DLG2: variants seen among roughly 807,000 people sequenced by gnomAD.
DLG2 encodes discs large MAGUK scaffold protein 2, also known as disks large homolog 2.
DLG2 carries 45 observed loss-of-function variants against 132.5 expected under a neutral mutation model. The ratio of observed to expected loss-of-function variants is 0.34; its 90% CI spans 0.27 to 0.44. The LOEUF (loss-of-function observed/expected upper bound fraction) is 0.44, where lower values mean the gene tolerates loss of function less well. Among genes scored for constraint, DLG2 ranks in the 20% least tolerant of loss-of-function variants. The pLI is 1.00. For synonymous variants in DLG2, 424 were observed against 419.6 expected (o/e 1.01, Z -0.13); for missense variants, 1,045 against 1,196.9 (o/e 0.87, Z 1.87).
chr11:83,956,815 T>A (rs2086987589), intron 14 of DLG2, among the ~76,000 whole-genome samples: 1 of 152,222 alleles, frequency 6.6e-6, no homozygotes, highest in African/African-American at 2.4e-5. Flanking sequence ...TTGTTCCTAA[T>A]GGGTACCATA....
intron 27 of DLG2, among the ~76,000 whole-genome samples, chr11:83,460,999 GTTTTT>G (rs10591072): frequency 0.019 from 2,071 of 106,986 alleles, 34 homozygotes; most frequent in African/African-American, 0.066. Context: ...AAGTTCTTGG[GTTTTT>G]TTTTTTTTTT....
chr11:85,014,603 G>A lies in DLG2; in HGVS notation c.357+97058C>T, dbSNP rs182006542. ...ATGGTAAGGTAGCTATTTCTACCCA[G>A]CAAGTAAAAGTACAGTATTGATTTA... On this transcript the variant is annotated intron_variant, in intron 6 of 27. Coordinates refer to ENST00000376104, the MANE Select transcript of DLG2 (RefSeq NM_001142699.3). Among the ~76,000 whole-genome samples, 279 of 152,228 alleles carry A rather than the reference G, an allele frequency of 1.8e-3. 2 individuals are homozygous for A. The highest frequency in any genetic ancestry group is 7.0e-3 in the Admixed American group (107 of 15,286).
At chr11:84,613,523 T>C (rs937151734) in intron 6 of DLG2, among the ~76,000 whole-genome samples, 2 of 152,124 alleles carry the variant, frequency 1.3e-5, no homozygotes, top group East Asian at 1.9e-4. Context: ...ATTAAAATAA[T>C]TTATTTTGCT....
chr11:84,850,367 C>T (rs1236601375), intron 6 of DLG2, among the ~76,000 whole-genome samples: 1 of 135,092 alleles, frequency 7.4e-6, no homozygotes, highest in Non-Finnish European at 1.6e-5. Flanking sequence ...CCTTACCACC[C>T]ACTTCGACTT....
At chr11:83,645,886 T>C (rs1439002627) in intron 18 of DLG2, 1 of 152,168 alleles carries the variant, frequency 6.6e-6, no homozygotes, top group Admixed American at 6.6e-5. Context: ...CTCCATCTCC[T>C]TTAGTCTGTG....
intron 8 of DLG2, among the ~76,000 whole-genome samples, chr11:84,236,684 G>T (rs2097162181): frequency 6.6e-6 from 1 of 152,170 alleles, no homozygotes. Flanking sequence ...CTGTTACCAA[G>T]TTAACAGGTG....
At chr11:85,347,389 A>T (rs1264056600) in intron 3 of DLG2, among the ~76,000 whole-genome samples, 2 of 152,154 alleles carry the variant, frequency 1.3e-5, no homozygotes, top group African/African-American at 2.4e-5. Context: ...AAATAAAACA[A>T]GAAAGCAACC....
At chr11:84,549,310 A>C (rs541685022) in intron 6 of DLG2, among the ~76,000 whole-genome samples, 83 of 152,358 alleles carry the variant, frequency 5.4e-4, no homozygotes, top group African/African-American at 2.0e-3. Context: ...GTAATTTTCC[A>C]GGGATAACTG....
chr11:84,907,952 A>G (rs1037260249), intron 6 of DLG2, among the ~76,000 whole-genome samples: 29 of 152,280 alleles, frequency 1.9e-4, no homozygotes, highest in African/African-American at 7.0e-4. Flanking sequence ...TTGTGTCAAG[A>G]TCCAGGACTA....
At chr11:85,099,087 T>G (rs349079) in intron 6 of DLG2, among the ~76,000 whole-genome samples, 23,732 of 152,172 alleles carry the variant, frequency 0.16, 2,138 homozygotes, top group South Asian at 0.3. Flanking sequence ...CATTCTTGTG[T>G]CAAGTGCTGT....
chr11:84,562,788 C>T lies in DLG2; in HGVS notation c.358-28057G>A, dbSNP rs12275559. ...CTTTTGAGACAGGTTCTTGCTCTGT[C>T]GCCCAGGCTGGAGTGCAGTGGTACG... On this transcript the variant is annotated intron_variant, in intron 6 of 27. Transcript: ENST00000376104. Among the ~76,000 whole-genome samples, 236 of 149,464 alleles carry T rather than the reference C, an allele frequency of 1.6e-3. 2 individuals carry two copies. Among genetic ancestry groups the T allele is most frequent in the African/African-American group, 5.5e-3 (223 of 40,662 alleles).
intron 6 of DLG2, among the ~76,000 whole-genome samples, chr11:84,812,880 T>C (rs573963209): frequency 1.3e-5 from 2 of 152,238 alleles, no homozygotes; most frequent in East Asian, 3.9e-4. Context: ...GGTGGTGTGA[T>C]GTGATGCAAT....
At chr11:84,627,878 C>T (rs532908606) in intron 6 of DLG2, among the ~76,000 whole-genome samples, 1 of 152,164 alleles carries the variant, frequency 6.6e-6, no homozygotes, top group African/African-American at 2.4e-5. Flanking sequence ...TGAGAACTCA[C>T]TCACTATCTC....
intron 17 of DLG2, among the ~76,000 whole-genome samples, chr11:83,812,746 G>C (rs762308117): frequency 6.6e-6 from 1 of 152,172 alleles, no homozygotes; most frequent in African/African-American, 2.4e-5. Flanking sequence ...AGACAAGAAA[G>C]AGCATGAGGA....
intron 3 of DLG2, among the ~76,000 whole-genome samples, chr11:85,597,581 CA>C (rs2079859630): frequency 1.3e-5 from 2 of 151,818 alleles, no homozygotes; most frequent in Non-Finnish European, 2.9e-5. Context: ...TAAAGCTTTA[CA>C]CTTCTATTTT....
rs185038590 is a variant in DLG2, at chr11:84,644,677, G to T, written c.358-109946C>A. Among the ~76,000 whole-genome samples, 207 of 147,684 alleles carry T rather than the reference G, an allele frequency of 1.4e-3. 1 individual carries two copies. The highest frequency in any genetic ancestry group is 4.6e-3 in the African/African-American group (184 of 39,912). On this transcript the variant is annotated intron_variant, in intron 6 of 27. Transcript: ENST00000376104. The stretch of plus-strand genomic sequence containing the variant: ...GCTGAGATCGTGCCACTGCACTCCA[G>T]CCTGGGCAACAGAACGAGACTCCAT...
intron 6 of DLG2, among the ~76,000 whole-genome samples, chr11:84,545,922 AT>A (rs989971878): frequency 6.6e-6 from 1 of 151,392 alleles, no homozygotes; most frequent in Non-Finnish European, 1.5e-5. Flanking sequence ...AGCCCATATA[AT>A]TTTCTTATTT....
chr11:85,221,979 C>G (rs1294506289), intron 4 of DLG2, among the ~76,000 whole-genome samples: 1 of 151,748 alleles, frequency 6.6e-6, no homozygotes, highest in African/African-American at 2.4e-5. Flanking sequence ...ACTCTGCCAG[C>G]CAGGCTGGAA....
chr11:85,116,225 A>G (rs1207223046), intron 5 of DLG2, among the ~76,000 whole-genome samples: 1 of 152,000 alleles, frequency 6.6e-6, no homozygotes, highest in Non-Finnish European at 1.5e-5. Context: ...TAATTATTTG[A>G]AAATTAATTT....
Sources: allele counts gnomAD v4.1 joint callset (sites outside exome capture counted in the v4.1 genomes callset), GRCh38; gene constraint gnomAD v4.1.1; transcripts MANE v1.5; gene names NCBI Gene and HGNC (gene_info 2026-07-23, HGNC 2026-07-21).